The following RTKN2 variants were observed in gnomAD, a reference collection of about 807,000 sequenced individuals.
The protein encoded by RTKN2 is rhotekin 2, also known as rhotekin-2.
Under a neutral mutation model 71.5 loss-of-function variants are expected in RTKN2, and 69 were observed. The ratio of observed to expected loss-of-function variants is 0.96; its 90% CI spans 0.79 to 1.18. RTKN2 has a LOEUF of 1.18. Ranked by LOEUF, RTKN2 falls within the 50% of genes most tolerant of loss-of-function variation. RTKN2 has a pLI of 0.00. For missense variants in RTKN2, 724 were observed against 719.7 expected (o/e 1.01, Z -0.07); for synonymous variants, 236 against 236.5 (o/e 1.00, Z 0.02).
At chr10:62,216,268 C>G (rs1841767420) in intron 9 of RTKN2, among the ~76,000 whole-genome samples, 1 of 151,932 alleles carries the variant, frequency 6.6e-6, no homozygotes, top group South Asian at 2.1e-4. Flanking sequence ...TGTGATGGCT[C>G]ATGTTTTATC....
Position 62,215,031 on chromosome 10 carries a change from TA to T in RTKN2, c.1020+2086del, listed in dbSNP as rs761071672. 7 of 1,462,020 alleles carry T rather than the reference TA, an allele frequency of 4.8e-6. No homozygotes were observed. The South Asian group carries it at 8.8e-5, about 18-fold the overall frequency. The allele number at this position is 1,462,020 out of a possible 1,614,324, so 90.6% of individuals were successfully genotyped here. On this transcript the variant is annotated intron_variant, in intron 9 of 11. Coordinates refer to ENST00000373789, the MANE Select transcript of RTKN2 (RefSeq NM_145307.4). Reference sequence around the variant, plus strand: ...GCTGTCATCCCTGCTTTGCCTACCTTAAAGGACTGAGATATGGCGAGTTGAA... The same window carrying T: ...GCTGTCATCCCTGCTTTGCCTACCTTAAGGACTGAGATATGGCGAGTTGAA...
intron 6 of RTKN2, among the ~76,000 whole-genome samples, chr10:62,226,676 C>T (rs923174732): frequency 6.6e-6 from 1 of 152,236 alleles, no homozygotes; most frequent in Non-Finnish European, 1.5e-5. Context: ...AGTGGCCATT[C>T]TCTGCTATTA....
chr10:62,240,089 C>T (rs1589371417), intron 4 of RTKN2, among the ~76,000 whole-genome samples: 1 of 151,976 alleles, frequency 6.6e-6, no homozygotes, highest in South Asian at 2.1e-4. Flanking sequence ...TACACACATG[C>T]GCGGGCATGC....
intron 5 of RTKN2, chr10:62,239,359 TAACTG>T (rs1419598297): frequency 9.5e-6 from 2 of 210,258 alleles, no homozygotes; most frequent in African/African-American, 4.7e-5. Flanking sequence ...GCTTTGTTAA[TAACTG>T]AACTATATTT....
chr10:62,258,643 A>G (rs1281667688), intron 2 of RTKN2, among the ~76,000 whole-genome samples: 2 of 152,192 alleles, frequency 1.3e-5, no homozygotes, highest in Non-Finnish European at 2.9e-5. Context: ...AAAATGATAA[A>G]ACATAACAGG....
rs912858727 is a variant in RTKN2 at position 62,268,805 on chromosome 10, C to T, written c.-195G>A. ...GCCTTGCGCTCTGCAGCTCCCGCCG[C>T]CGGAAGTTGCCGAGACCCCAGGCTC... is the stretch of plus-strand genomic sequence containing the variant. On this transcript the variant is annotated 5_prime_UTR_variant, in exon 1 of 12. Coordinates refer to ENST00000373789, the MANE Select transcript of RTKN2 (RefSeq NM_145307.4). 50 of 562,836 alleles carry T rather than the reference C, an allele frequency of 8.9e-5. No homozygotes were observed. The highest frequency in any genetic ancestry group is 1.5e-4 in the Non-Finnish European group (48 of 327,682). The allele number at this position is 562,836 out of a possible 1,614,324, so 34.9% of individuals were successfully genotyped here.
Position 62,198,208 on chromosome 10 carries a change from A to C in RTKN2, c.1530T>G (p.Asp510Glu). 1 of 1,614,114 alleles carries C rather than the reference A, an allele frequency of 6.2e-7. No individual in the cohort carries two copies. The highest frequency in any genetic ancestry group is 8.5e-7 in the Non-Finnish European group (1 of 1,179,978). ...GTGATTTTAAGCTGAATGGAAGTTT[A>C]TCAGAAGGAGGAAGGGGAGCTTGTC... ...KKRQAPLPPS[D>E]KLPFSLKSQS... Residue 510 changes from aspartate to glutamate, a missense_variant, in exon 12 of 12, where the codon GAT (aspartate) becomes GAG (glutamate). Asp to Glu is a conservative substitution (Grantham distance 45). Transcript: ENST00000373789.
In RTKN2 at chr10:62,197,958, AT is replaced by A. The variant is rs778662949; in HGVS notation, c.1779del (p.Lys593AsnfsTer40). The stretch of plus-strand genomic sequence containing the variant: ...CTAGGGTCCAGAATGTCTTTGATGG[AT>A]TTCTGCCTTGGAGCTGGCACTGGCT... The part of the protein sequence containing the change: ...EAKPVPAPRQ[K>X]SIKDILDPRS... On this transcript the variant is annotated frameshift_variant, in exon 12 of 12. Transcript: ENST00000373789. LOFTEE classifies it high-confidence loss of function. The A allele has an allele frequency of 2.2e-5, 35 of 1,613,962 alleles. No individual in the cohort carries two copies. The highest frequency in any genetic ancestry group is 2.9e-5 in the Non-Finnish European group (34 of 1,179,924).
chr10:62,212,450 C>G lies in RTKN2; in HGVS notation c.1020+4668G>C, dbSNP rs150928596. The stretch of plus-strand genomic sequence containing the variant: ...GGTATGGTGGCTCATACTTGCAATC[C>G]CAGCACTTTGGGAGGCTGAGGCAGG... On this transcript the variant is annotated intron_variant, in intron 9 of 11. Transcript: ENST00000373789. Among the ~76,000 whole-genome samples the G allele has an allele frequency of 9.9e-5, 15 of 151,984 alleles. 1 individual carries two copies. The East Asian group carries it at 2.7e-3, about 27-fold the overall frequency.
chr10:62,206,598 A>AG (rs1841553604), intron 9 of RTKN2, among the ~76,000 whole-genome samples: 1 of 152,100 alleles, frequency 6.6e-6, no homozygotes, highest in Non-Finnish European at 1.5e-5. Flanking sequence ...AACAATCATT[A>AG]ACCATCTTAG....
intron 9 of RTKN2, among the ~76,000 whole-genome samples, chr10:62,207,143 A>C (rs1841564757): frequency 6.6e-6 from 1 of 152,122 alleles, no homozygotes; most frequent in African/African-American, 2.4e-5. Flanking sequence ...TCTTTAAATA[A>C]GGGAAATTTG....
At chr10:62,254,135 G>T (rs1842631277) in intron 2 of RTKN2, among the ~76,000 whole-genome samples, 1 of 152,144 alleles carries the variant, frequency 6.6e-6, no homozygotes, top group African/African-American at 2.4e-5. Context: ...ATAAGAAAAA[G>T]TTCATTGATA....
intron 5 of RTKN2, among the ~76,000 whole-genome samples, chr10:62,236,537 TA>T (rs1291395897): frequency 6.6e-6 from 1 of 151,804 alleles, no homozygotes; most frequent in African/African-American, 2.4e-5. Flanking sequence ...CTAAAGAAAT[TA>T]AAAGGGAAAC....
chr10:62,263,544 T>C (rs758941025), intron 1 of RTKN2, among the ~76,000 whole-genome samples: 22 of 152,184 alleles, frequency 1.4e-4, no homozygotes, highest in African/African-American at 4.8e-5. Flanking sequence ...ATCACACATA[T>C]ATATTATATA....
chr10:62,228,686 G>T (rs905473714), intron 6 of RTKN2, among the ~76,000 whole-genome samples: 8 of 152,164 alleles, frequency 5.3e-5, no homozygotes, highest in Non-Finnish European at 1.2e-4. Flanking sequence ...GAGGAAACAT[G>T]CAGGAGCCTA....
intron 2 of RTKN2, among the ~76,000 whole-genome samples, chr10:62,255,870 T>C (rs1317248235): frequency 6.6e-6 from 1 of 152,180 alleles, no homozygotes; most frequent in East Asian, 1.9e-4. Context: ...GAAAAAAATG[T>C]TTAACTTGAG....
At chr10:62,225,912 G>A (rs1028145106) in intron 6 of RTKN2, among the ~76,000 whole-genome samples, 5 of 151,718 alleles carry the variant, frequency 3.3e-5, no homozygotes, top group African/African-American at 1.2e-4. Flanking sequence ...CTCCCGAGTA[G>A]CTGGGACTAC....
chr10:62,196,842 TCTG>T lies in RTKN2; in HGVS notation c.*1063_*1065del. On this transcript the variant is annotated 3_prime_UTR_variant, in exon 12 of 12. Coordinates refer to ENST00000373789, the MANE Select transcript of RTKN2 (RefSeq NM_145307.4). Reference sequence around the variant, plus strand: ...ATTTTTTGTTCCTTTAAGGTATTTTTCTGCTATTTATTCCTCACTTGACTTTAT... The same window carrying T: ...ATTTTTTGTTCCTTTAAGGTATTTTTCTATTTATTCCTCACTTGACTTTAT... The T allele has an allele frequency of 1.0e-6, 1 of 979,572 alleles. No homozygotes were observed. The allele number at this position is 979,572 out of a possible 1,614,324, so 60.7% of individuals were successfully genotyped here. A position where few individuals can be genotyped will look rare whatever the true frequency, so the allele number is the denominator to read the frequency against.
At chr10:62,232,003 T>C (rs1842159152) in intron 6 of RTKN2, among the ~76,000 whole-genome samples, 1 of 152,164 alleles carries the variant, frequency 6.6e-6, no homozygotes, top group East Asian at 1.9e-4. Context: ...CACTACAGTG[T>C]CAACAGAATG....
Sources: allele counts gnomAD v4.1 joint callset (sites outside exome capture counted in the v4.1 genomes callset), GRCh38; gene constraint gnomAD v4.1.1; transcripts MANE v1.5; gene names NCBI Gene and HGNC (gene_info 2026-07-23, HGNC 2026-07-21).